The following ETFA variants were observed in gnomAD, a reference collection of about 807,000 sequenced individuals.
ETFA encodes electron transfer flavoprotein subunit alpha.
Under a neutral mutation model 46.2 loss-of-function variants are expected in ETFA, and 22 were observed. That is an observed-to-expected ratio of 0.48 (90% CI 0.34 to 0.68). The LOEUF (loss-of-function observed/expected upper bound fraction) is 0.68, where lower values mean the gene tolerates loss of function less well. ETFA is among the 30% of genes least tolerant of loss of function. The probability of loss-of-function intolerance (pLI) is 0.01; values close to 1 mark genes in which losing one functional copy is unlikely to be tolerated. For synonymous variants in ETFA, 131 were observed against 139.9 expected (o/e 0.94, Z 0.45); for missense variants, 345 against 401.1 (o/e 0.86, Z 1.19).
Position 76,311,224 on chromosome 15 carries a change from G to A in ETFA, c.39+126C>T. 7.0e-6 allele frequency: 8 copies of A among 1,141,682 alleles called. No homozygotes were observed. The South Asian group carries it at 1.1e-4, about 16-fold the overall frequency. The allele number at this position is 1,141,682 out of a possible 1,614,324, so 70.7% of individuals were successfully genotyped here. On this transcript the variant is annotated intron_variant, in intron 1 of 11. Coordinates refer to ENST00000557943, the MANE Select transcript of ETFA (RefSeq NM_000126.4). ...AGAACTTTGGACCCAAGTCCCAGGC[G>A]GGGACCGGCCTGCGGGCGCGAGGGC...
rs777572563 is a variant in ETFA at position 76,285,680 on chromosome 15, A to C, written c.621T>G (p.Ser207Arg). 3 of 1,612,914 alleles carry C rather than the reference A, an allele frequency of 1.9e-6. No homozygotes were observed. Among genetic ancestry groups the C allele is most frequent in the Non-Finnish European group, 8.5e-7 (1 of 1,179,004 alleles). Reference protein sequence around the residue: ...SEWLDQKLTKSDRPELTGAKV... With the variant: ...SEWLDQKLTKRDRPELTGAKV... Reference sequence around the variant, plus strand: ...TGGCACCTGTTAGCTCTGGTCGATCACTTTTTGTTAATTTCTGGTCAAGCC... The same window carrying C: ...TGGCACCTGTTAGCTCTGGTCGATCCCTTTTTGTTAATTTCTGGTCAAGCC... The change falls in exon 7 of 12, where the codon AGT becomes AGG. Residue 207 changes from serine (S) to arginine (R), a missense_variant. Transcript: ENST00000557943.
intron 9 of ETFA, among the ~76,000 whole-genome samples, chr15:76,246,554 G>T (rs2039244375): frequency 6.6e-6 from 1 of 152,182 alleles, no homozygotes; most frequent in Non-Finnish European, 1.5e-5. Flanking sequence ...AAAATTGGTT[G>T]GGCACGGTGG....
At chr15:76,259,409 G>T in intron 9 of ETFA, 1 of 1,302,374 alleles carries the variant, frequency 7.7e-7, no homozygotes, top group Non-Finnish European at 1.1e-6. Flanking sequence ...GGAGACCTTG[G>T]CTTGGATGGA....
chr15:76,252,876 T>TACACACATACACAC (rs2039312517), intron 9 of ETFA, among the ~76,000 whole-genome samples: 1 of 147,492 alleles, frequency 6.8e-6, no homozygotes, highest in Non-Finnish European at 1.5e-5. Context: ...TGTATGTGTA[T>TACACACATACACAC]ACACACACAC....
chr15:76,246,996 T>C (rs1444350280), intron 9 of ETFA, among the ~76,000 whole-genome samples: 1 of 152,210 alleles, frequency 6.6e-6, no homozygotes, highest in Non-Finnish European at 1.5e-5. Flanking sequence ...TATATCTACA[T>C]ACTTTTATAA....
At chr15:76,231,229 G>A in intron 10 of ETFA, 104 bp downstream of exon 10, 1 of 789,252 alleles carries the variant, frequency 1.3e-6, no homozygotes, top group Non-Finnish European at 2.3e-6. Context: ...ACGTTAGTGT[G>A]AATGGCTTGA....
intron 4 of ETFA, among the ~76,000 whole-genome samples, chr15:76,288,913 TC>T (rs2039728033): frequency 1.3e-5 from 1 of 76,960 alleles, no homozygotes; most frequent in Non-Finnish European, 2.5e-5. Context: ...TTCTTCTTCT[TC>T]TTCTTCTTTT....
chr15:76,259,121 T>C, intron 9 of ETFA: 1 of 1,516,016 alleles, frequency 6.6e-7, no homozygotes, highest in Non-Finnish European at 9.2e-7. Flanking sequence ...TGTATCAACA[T>C]TCACTGGGAG....
At chr15:76,257,004 G>A (rs911632921) in intron 9 of ETFA, among the ~76,000 whole-genome samples, 10 of 152,110 alleles carry the variant, frequency 6.6e-5, no homozygotes, top group African/African-American at 9.7e-5. Context: ...TAACAAAATC[G>A]CCTAATGACA....
intron 9 of ETFA, among the ~76,000 whole-genome samples, chr15:76,244,712 AGTTTT>A (rs2039228158): frequency 6.6e-6 from 1 of 152,090 alleles, no homozygotes; most frequent in Non-Finnish European, 1.5e-5. Flanking sequence ...AATTTAGAAT[AGTTTT>A]ATTTCTTTCA....
rs577115517 is a variant in ETFA at position 76,257,901 on chromosome 15, A to G, written c.816+16511T>C. On this transcript the variant is annotated intron_variant, in intron 9 of 11. Coordinates refer to ENST00000557943, the MANE Select transcript of ETFA (RefSeq NM_000126.4). ...GATGAAATTGGAAATCATCATTCTC[A>G]GTAAATTATCGCAAGGACAAAAAAA... Among the ~76,000 whole-genome samples, 6 of 151,576 alleles carry G rather than the reference A, an allele frequency of 4.0e-5. No homozygotes were observed. The South Asian group carries it at 1.3e-3, about 32-fold the overall frequency.
chr15:76,308,684 A>T (rs1176315808), intron 1 of ETFA, among the ~76,000 whole-genome samples: 1 of 152,256 alleles, frequency 6.6e-6, no homozygotes, highest in African/African-American at 2.4e-5. Flanking sequence ...AGAGTATCTT[A>T]GACCAGAATA....
intron 1 of ETFA, among the ~76,000 whole-genome samples, chr15:76,302,868 A>G (rs1461672337): frequency 6.6e-6 from 1 of 152,162 alleles, no homozygotes; most frequent in Non-Finnish European, 1.5e-5. Flanking sequence ...ATTTTTAGAG[A>G]CAGTGTCTTT....
chr15:76,247,633 G>A (rs140615727), intron 9 of ETFA, among the ~76,000 whole-genome samples: 8 of 152,186 alleles, frequency 5.3e-5, no homozygotes, highest in African/African-American at 1.9e-4. Context: ...TATTCACTAA[G>A]AGTTATTTGC....
Position 76,292,613 on chromosome 15 carries a change from C to T in ETFA, c.268+6G>A. On this transcript the variant is annotated splice_donor_region_variant and intron_variant, in intron 3 of 11. Transcript: ENST00000557943. Reference sequence around the variant, plus strand: ...CACTACATTTTTTTCTACTGGAAAACCTCACCTGGAAGTAGGCCTTTGTAC... The same window carrying T: ...CACTACATTTTTTTCTACTGGAAAATCTCACCTGGAAGTAGGCCTTTGTAC... 1.2e-6 allele frequency: 2 copies of T among 1,611,432 alleles called. No homozygotes were observed. Among genetic ancestry groups the T allele is most frequent in the Non-Finnish European group, 1.7e-6 (2 of 1,177,550 alleles).
In ETFA at chr15:76,216,219, G is replaced by T; in HGVS notation, c.*340C>A. On this transcript the variant is annotated 3_prime_UTR_variant, in exon 12 of 12. Coordinates refer to ENST00000557943, the MANE Select transcript of ETFA (RefSeq NM_000126.4). ...ATAGAGCTCTCCATGAACAAGAAAG[G>T]CAAAAAAATAAATAAATAAACAAAA... The T allele has an allele frequency of 4.5e-6, 1 of 224,466 alleles. No individual in the cohort carries two copies. The highest frequency in any genetic ancestry group is 8.6e-6 in the Non-Finnish European group (1 of 116,500). 13.9% of individuals were successfully genotyped at this position (224,466 alleles called of 1,614,324 possible).
At chr15:76,302,791 T>C (rs1329123702) in intron 1 of ETFA, among the ~76,000 whole-genome samples, 1 of 152,224 alleles carries the variant, frequency 6.6e-6, no homozygotes, top group East Asian at 1.9e-4. Flanking sequence ...CTCTCTGTAC[T>C]TTCCATTGGA....
chr15:76,217,002 A>T (rs981664403), intron 11 of ETFA, among the ~76,000 whole-genome samples: 1 of 151,828 alleles, frequency 6.6e-6, no homozygotes, highest in Non-Finnish European at 1.5e-5. Flanking sequence ...ATTCTTGTAG[A>T]GATGGGGTAT....
intron 1 of ETFA, among the ~76,000 whole-genome samples, chr15:76,299,185 T>C (rs2039856584): frequency 6.6e-6 from 1 of 152,240 alleles, no homozygotes; most frequent in African/African-American, 2.4e-5. Context: ...TCATCAGCCT[T>C]ACCTGGGCTC....
Sources: gnomAD v4.1 joint callset for allele counts (sites outside exome capture counted in the v4.1 genomes callset) on GRCh38, gnomAD v4.1.1 for gene constraint, MANE v1.5 for transcripts, NCBI Gene and HGNC (gene_info 2026-07-23, HGNC 2026-07-21) for gene names.